The following ACVR1C variants were observed in gnomAD, a reference collection of about 807,000 sequenced individuals.
The protein encoded by ACVR1C is activin A receptor type 1C.
Under a neutral mutation model 57.9 loss-of-function variants are expected in ACVR1C, and 23 were observed. That is an observed-to-expected ratio of 0.40 (90% CI 0.29 to 0.56). ACVR1C has a LOEUF of 0.56. ACVR1C is among the 20% of genes least tolerant of loss of function. The pLI is 0.50. For synonymous variants in ACVR1C, 214 were observed against 215.3 expected (o/e 0.99, Z 0.05); for missense variants, 480 against 607.9 (o/e 0.79, Z 2.21).
intron 3 of ACVR1C, among the ~76,000 whole-genome samples, chr2:157,554,305 G>A (rs1349094374): frequency 1.6e-5 from 2 of 123,604 alleles, no homozygotes; most frequent in African/African-American, 3.2e-5. Flanking sequence ...GAGAAAGAAA[G>A]AAAGGAAAAG....
At chr2:157,601,357 G>C (rs377564629) in intron 1 of ACVR1C, among the ~76,000 whole-genome samples, 23 of 152,028 alleles carry the variant, frequency 1.5e-4, no homozygotes, top group African/African-American at 5.5e-4. Flanking sequence ...AAGAAGGTAG[G>C]TTACCTGGCT....
At chr2:157,589,314 T>C (rs1032058334) in intron 1 of ACVR1C, among the ~76,000 whole-genome samples, 42 of 152,032 alleles carry the variant, frequency 2.8e-4, no homozygotes, top group African/African-American at 9.6e-4. Flanking sequence ...CACATATTTG[T>C]TAGCCATTTG....
chr2:157,579,893 A>T (rs536375731), intron 2 of ACVR1C, among the ~76,000 whole-genome samples: 2 of 152,284 alleles, frequency 1.3e-5, no homozygotes, highest in Middle Eastern at 3.4e-3. Context: ...AATAGGTGGG[A>T]AAAATGGAAT....
At position 157,612,049 on chromosome 2, in the gene ACVR1C, T is replaced by C. The variant is rs111483842; in HGVS notation, c.73+16523A>G. Among the ~76,000 whole-genome samples the C allele has an allele frequency of 5.3e-3, 808 of 152,300 alleles. 7 individuals are homozygous for C. The highest frequency in any genetic ancestry group is 0.018 in the African/African-American group (767 of 41,556). On this transcript the variant is annotated intron_variant, in intron 1 of 8. Transcript: ENST00000243349. The stretch of plus-strand genomic sequence containing the variant: ...CTCAGGGTCTGAGAAGTGCACACTT[T>C]GTCAATAGCAGTGGCCACAACAATG...
Position 157,531,727 on chromosome 2 carries a change from AG to A in ACVR1C, c.*2190del, listed in dbSNP as rs1485298086. On this transcript the variant is annotated 3_prime_UTR_variant, in exon 9 of 9. Coordinates refer to ENST00000243349, the MANE Select transcript of ACVR1C (RefSeq NM_145259.3). The stretch of plus-strand genomic sequence containing the variant: ...GCTCTTTTTAAAAATCACTTCACAT[AG>A]GCACTTTTAAAAACTGATGATATAT... 1 of 152,126 alleles carries A rather than the reference AG, an allele frequency of 6.6e-6. No individual in the cohort carries two copies. The highest frequency in any genetic ancestry group is 1.5e-5 in the Non-Finnish European group (1 of 67,990). The allele number at this position is 152,126 out of a possible 1,614,324, so 9.4% of individuals were successfully genotyped here.
rs1322036362 is a variant in ACVR1C, at chr2:157,556,134, T to A, written c.503A>T (p.Lys168Ile). The A allele has an allele frequency of 6.2e-7, 1 of 1,614,088 alleles. No homozygotes were observed. The highest frequency in any genetic ancestry group is 8.5e-7 in the Non-Finnish European group (1 of 1,179,986). Residue 168 changes from lysine to isoleucine, a missense_variant, in exon 3 of 9, where the codon AAA becomes ATA. Transcript: ENST00000243349. ...GGCGGTCACATCATAAATCAGATCT[T>A]TCAGAGTTTTTCCAGCATTTACCAG... ...CNLVNAGKTL[K>I]DLIYDVTASG...
chr2:157,587,047 T>C (rs1688939493), intron 2 of ACVR1C, 140 bp downstream of exon 2: 1 of 790,254 alleles, frequency 1.3e-6, no homozygotes, highest in South Asian at 2.1e-5. Flanking sequence ...CTCTAGAGAA[T>C]TTTACCAGCC....
At chr2:157,598,551 T>C (rs1682196688) in intron 1 of ACVR1C, among the ~76,000 whole-genome samples, 1 of 151,142 alleles carries the variant, frequency 6.6e-6, no homozygotes, top group Non-Finnish European at 1.5e-5. Flanking sequence ...AGTTTTTTTT[T>C]TTTTTTGAGA....
At chr2:157,600,698 C>G in intron 1 of ACVR1C, among the ~76,000 whole-genome samples, 1 of 152,112 alleles carries the variant, frequency 6.6e-6, no homozygotes, top group East Asian at 1.9e-4. Flanking sequence ...AAATAAGAAG[C>G]TGATCTAGCT....
In ACVR1C at chr2:157,544,449, T is replaced by C; in HGVS notation, c.939A>G (p.Thr313=). 6.2e-7 allele frequency: 1 copy of C among 1,610,098 alleles called. No individual in the cohort carries two copies. The highest frequency in any genetic ancestry group is 1.1e-5 in the South Asian group (1 of 89,940). ...AAATGAAAAGGAAATACATACCTTG[T>C]GTACCAACAATCTCCATATGAAGGT... ...LAHLHMEIVG[T]QGKPAIAHRD... is the part of the protein sequence containing the mutation. The change falls in exon 5 of 9, where the codon ACA becomes ACG. Residue 313 remains threonine, a synonymous_variant. Transcript: ENST00000243349.
intron 1 of ACVR1C, among the ~76,000 whole-genome samples, chr2:157,593,975 A>T (rs1386859355): frequency 6.6e-6 from 1 of 152,078 alleles, no homozygotes; most frequent in Non-Finnish European, 1.5e-5. Flanking sequence ...ACAAAGAAAA[A>T]CTGTTCCTTT....
chr2:157,570,488 C>T (rs1688491874), intron 2 of ACVR1C, among the ~76,000 whole-genome samples: 1 of 77,240 alleles, frequency 1.3e-5, no homozygotes, highest in Non-Finnish European at 2.6e-5. Context: ...CCAAAATCTC[C>T]TTAAGCTGAT....
intron 1 of ACVR1C, among the ~76,000 whole-genome samples, chr2:157,617,739 A>C (rs1201995676): frequency 6.6e-6 from 1 of 152,004 alleles, no homozygotes; most frequent in Non-Finnish European, 1.5e-5. Flanking sequence ...GATGCATCAG[A>C]AGATAACATA....
intron 8 of ACVR1C, among the ~76,000 whole-genome samples, chr2:157,535,842 G>A (rs1027422700): frequency 2.0e-5 from 3 of 152,250 alleles, no homozygotes; most frequent in South Asian, 2.1e-4. Flanking sequence ...AGGAGAGCAC[G>A]AATTCTGCCT....
chr2:157,577,927 C>A (rs778872058), intron 2 of ACVR1C, among the ~76,000 whole-genome samples: 5 of 152,048 alleles, frequency 3.3e-5, no homozygotes, highest in Admixed American at 6.6e-5. Context: ...CCCACCCAGG[C>A]TGGAGTGCAG....
chr2:157,628,458 G>A (rs142276639), intron 1 of ACVR1C, 114 bp downstream of exon 1: 3 of 1,231,992 alleles, frequency 2.4e-6, no homozygotes, highest in Non-Finnish European at 3.5e-6. Context: ...TTCCCTGTCC[G>A]CCCCGAAGGT....
At chr2:157,599,487 T>C (rs894423921) in intron 1 of ACVR1C, among the ~76,000 whole-genome samples, 1 of 152,108 alleles carries the variant, frequency 6.6e-6, no homozygotes, top group Non-Finnish European at 1.5e-5. Context: ...AAGCTCACTC[T>C]AGATAAGATG....
rs1488856266 is a variant in ACVR1C at position 157,561,421 on chromosome 2, A to G, written c.305-5089T>C. Among the ~76,000 whole-genome samples, 3 of 152,184 alleles carry G rather than the reference A, an allele frequency of 2.0e-5. No individual in the cohort carries two copies. The East Asian group carries it at 5.8e-4, about 29-fold the overall frequency. On this transcript the variant is annotated intron_variant, in intron 2 of 8. Transcript: ENST00000243349. ...TTGATGGGTCTGTTTCTATCCTGGC[A>G]CCTGGGAGAAATTCCACCACTGTCA...
intron 1 of ACVR1C, among the ~76,000 whole-genome samples, chr2:157,594,909 A>T (rs546600366): frequency 1.3e-5 from 2 of 152,360 alleles, no homozygotes; most frequent in Non-Finnish European, 1.5e-5. Flanking sequence ...CAAAATTTTG[A>T]ATACATATGG....
Sources: gnomAD v4.1 joint callset for allele counts (sites outside exome capture counted in the v4.1 genomes callset) on GRCh38, gnomAD v4.1.1 for gene constraint, MANE v1.5 for transcripts, NCBI Gene and HGNC (gene_info 2026-07-23, HGNC 2026-07-21) for gene names.